The following CHCHD6 variants were observed in gnomAD, a reference collection of about 807,000 sequenced individuals.
CHCHD6 encodes MICOS complex subunit MIC25.
In CHCHD6, 28 loss-of-function variants were observed where a neutral mutation model predicts 32.3. The ratio of observed to expected loss-of-function variants is 0.87; its 90% confidence interval spans 0.64 to 1.19. The LOEUF (loss-of-function observed/expected upper bound fraction) is 1.19, where lower values mean the gene tolerates loss of function less well. Among genes scored for constraint, CHCHD6 ranks in the 50% most tolerant of loss-of-function variants. The pLI is 0.00. For synonymous variants in CHCHD6, 122 were observed against 117.5 expected (o/e 1.04, Z -0.25); for missense variants, 333 against 307.0 (o/e 1.08, Z -0.63).
chr3:126,872,272 C>T (rs2077485429), intron 5 of CHCHD6, among the ~76,000 whole-genome samples: 1 of 152,100 alleles, frequency 6.6e-6, no homozygotes. Context: ...ACCATGGGGC[C>T]AGCCTATAGA....
intron 1 of CHCHD6, among the ~76,000 whole-genome samples, chr3:126,708,604 C>G (rs1370255864): frequency 6.6e-6 from 1 of 150,774 alleles, no homozygotes. Flanking sequence ...AGGAGGATCA[C>G]CTGAGCCCAG....
At chr3:126,863,860 TCCTCCTCCTCCACCATCACCA>T (rs1398639059) in intron 5 of CHCHD6, among the ~76,000 whole-genome samples, 1 of 123,374 alleles carries the variant, frequency 8.1e-6, no homozygotes, top group Non-Finnish European at 1.7e-5. Flanking sequence ...CATCAACACC[TCCTCCTCCTCCACCATCACCA>T]CCTCCTCCTC....
intron 5 of CHCHD6, among the ~76,000 whole-genome samples, chr3:126,894,347 T>A (rs1223253515): frequency 1.3e-5 from 2 of 152,222 alleles, no homozygotes; most frequent in Non-Finnish European, 2.9e-5. Flanking sequence ...ATGGTCTTTT[T>A]TGTGAAGCAG....
At chr3:126,762,278 G>A (rs2107672834) in intron 4 of CHCHD6, among the ~76,000 whole-genome samples, 1 of 152,228 alleles carries the variant, frequency 6.6e-6, no homozygotes, top group East Asian at 1.9e-4. Flanking sequence ...AAAGATGTAT[G>A]CTGTAAATTT....
At chr3:126,829,031 C>T (rs1940524709) in intron 4 of CHCHD6, among the ~76,000 whole-genome samples, 1 of 152,172 alleles carries the variant, frequency 6.6e-6, no homozygotes, top group African/African-American at 2.4e-5. Flanking sequence ...GTTTAATTAG[C>T]TGGGGTTATT....
At chr3:126,821,051 T>G (rs1192475567) in intron 4 of CHCHD6, among the ~76,000 whole-genome samples, 1 of 152,176 alleles carries the variant, frequency 6.6e-6, no homozygotes, top group African/African-American at 2.4e-5. Flanking sequence ...TTCTGGACAT[T>G]TCATGTAAAT....
chr3:126,734,094 C>A (rs1354849767), intron 4 of CHCHD6, among the ~76,000 whole-genome samples: 1 of 152,200 alleles, frequency 6.6e-6, no homozygotes, highest in Non-Finnish European at 1.5e-5. Flanking sequence ...ACAGGGATAA[C>A]TTTCCTAGAA....
At chr3:126,772,359 A>G (rs995460286) in intron 4 of CHCHD6, among the ~76,000 whole-genome samples, 6 of 152,002 alleles carry the variant, frequency 3.9e-5, no homozygotes, top group Admixed American at 3.3e-4. Flanking sequence ...CAGCCTCCCA[A>G]AGTGCTGGAA....
rs551764629 is a variant in CHCHD6 at position 126,844,857 on chromosome 3, GAC to G, written c.412-7788_412-7787del. ...ATGAGGGAAGGGGGAAGGCAGGAGA[GAC>G]AGAAAAGAAGATATGATAAGGGTAG... On this transcript the variant is annotated intron_variant, in intron 4 of 7. Transcript: ENST00000290913. 3.7e-3 allele frequency among the ~76,000 whole-genome samples: 568 copies of G among 152,244 alleles called. 3 individuals carry two copies. Among genetic ancestry groups the G allele is most frequent in the Non-Finnish European group, 5.8e-3 (393 of 68,012 alleles).
intron 4 of CHCHD6, among the ~76,000 whole-genome samples, chr3:126,788,366 T>A (rs1012701245): frequency 6.6e-6 from 1 of 152,240 alleles, no homozygotes; most frequent in Non-Finnish European, 1.5e-5. Context: ...GATTCCCTCT[T>A]TTTCTATTGA....
intron 6 of CHCHD6, among the ~76,000 whole-genome samples, chr3:126,947,664 A>G (rs766145053): frequency 6.6e-6 from 1 of 152,192 alleles, no homozygotes; most frequent in Non-Finnish European, 1.5e-5. Flanking sequence ...CCTAGAACAC[A>G]GGAAGCCCTG....
chr3:126,857,265 G>A (rs908352153), intron 5 of CHCHD6, among the ~76,000 whole-genome samples: 6 of 152,248 alleles, frequency 3.9e-5, no homozygotes, highest in African/African-American at 1.2e-4. Flanking sequence ...TCTGTGAAAC[G>A]CTTCGTCTCA....
intron 5 of CHCHD6, among the ~76,000 whole-genome samples, chr3:126,867,889 T>C (rs2107565493): frequency 6.6e-6 from 1 of 152,356 alleles, no homozygotes; most frequent in South Asian, 2.1e-4. Context: ...TCCACCTGTT[T>C]CAGGCAGACT....
intron 5 of CHCHD6, among the ~76,000 whole-genome samples, chr3:126,912,034 AATTC>A (rs2078098197): frequency 6.6e-6 from 1 of 152,166 alleles, no homozygotes; most frequent in East Asian, 1.9e-4. Context: ...AGCTCTGGAA[AATTC>A]AGTGGCTGTG....
chr3:126,778,652 T>G (rs1937771175), intron 4 of CHCHD6, among the ~76,000 whole-genome samples: 1 of 152,250 alleles, frequency 6.6e-6, no homozygotes. Flanking sequence ...TTTTTTGATA[T>G]GTTCTGGATA....
intron 1 of CHCHD6, among the ~76,000 whole-genome samples, chr3:126,708,220 C>T (rs1489598928): frequency 6.6e-6 from 1 of 152,212 alleles, no homozygotes; most frequent in East Asian, 1.9e-4. Context: ...AGAAATTCCA[C>T]ATGCTTACCT....
At chr3:126,899,578 T>C (rs2077892427) in intron 5 of CHCHD6, among the ~76,000 whole-genome samples, 1 of 152,184 alleles carries the variant, frequency 6.6e-6, no homozygotes, top group Admixed American at 6.6e-5. Flanking sequence ...CATCCTCCTC[T>C]CTATCGTGGT....
At chr3:126,944,547 A>T (rs1054562293) in intron 6 of CHCHD6, among the ~76,000 whole-genome samples, 2 of 152,240 alleles carry the variant, frequency 1.3e-5, no homozygotes, top group East Asian at 3.8e-4. Context: ...CAGATGGTCT[A>T]TGTCACAGGA....
intron 4 of CHCHD6, among the ~76,000 whole-genome samples, chr3:126,765,672 A>G (rs908196629): frequency 3.9e-5 from 6 of 152,326 alleles, no homozygotes; most frequent in East Asian, 1.9e-4. Flanking sequence ...TGGCTGATCA[A>G]TCTCTAATTG....
Sources: allele counts gnomAD v4.1 joint callset (sites outside exome capture counted in the v4.1 genomes callset), GRCh38; gene constraint gnomAD v4.1.1; transcripts MANE v1.5; gene names NCBI Gene and HGNC (gene_info 2026-07-23, HGNC 2026-07-21).